Variants in DNAH7 observed in about 807,000 individuals in gnomAD.
DNAH7 encodes the protein dynein axonemal heavy chain 7.
In DNAH7, 397 loss-of-function variants were observed where a neutral mutation model predicts 444.6. The observed-to-expected ratio is 0.89, with a 90% CI of 0.82 to 0.97. The LOEUF is 0.97. Ranked by LOEUF, DNAH7 falls within the 50% of genes least tolerant of loss-of-function variation. The probability of loss-of-function intolerance (pLI) is 0.00; values close to 1 mark genes in which losing one functional copy is unlikely to be tolerated. For missense variants in DNAH7, 4,902 were observed against 4,800.8 expected (o/e 1.02, Z -0.62); for synonymous variants, 1,636 against 1,624.4 (o/e 1.01, Z -0.17).
chr2:196,023,767 T>C (rs1695519516), intron 8 of DNAH7, among the ~76,000 whole-genome samples: 1 of 152,244 alleles, frequency 6.6e-6, no homozygotes, highest in African/African-American at 2.4e-5. Flanking sequence ...CTGTGGCCTA[T>C]CTTGGCTTTC....
At chr2:195,911,610 G>T (rs1687363280) in intron 24 of DNAH7, among the ~76,000 whole-genome samples, 2 of 152,004 alleles carry the variant, frequency 1.3e-5, no homozygotes, top group Non-Finnish European at 2.9e-5. Context: ...CTATAACAGA[G>T]AAAAGAAAAT....
intron 17 of DNAH7, among the ~76,000 whole-genome samples, chr2:195,967,357 G>A (rs539266935): frequency 1.7e-4 from 26 of 152,054 alleles, no homozygotes; most frequent in Admixed American, 3.9e-4. Context: ...TGGGCTCATC[G>A]TTTAGTCTTT....
intron 16 of DNAH7, among the ~76,000 whole-genome samples, chr2:195,971,129 T>C (rs1691810762): frequency 6.6e-6 from 1 of 152,222 alleles, no homozygotes; most frequent in African/African-American, 2.4e-5. Context: ...TTTAAGCCTA[T>C]GAATTATTCT....
At position 195,771,866 on chromosome 2, in the gene DNAH7, T is replaced by C. The variant is rs778551415; in HGVS notation, c.11227A>G (p.Lys3743Glu). 2.5e-6 allele frequency: 4 copies of C among 1,614,172 alleles called. No individual in the cohort carries two copies. The Admixed American group carries it at 6.7e-5, about 27-fold the overall frequency. ...TCATTCACTACTTCATCTGATGATT[T>C]TGCACCAGCACCTGCTGAACGAGAC... is the stretch of plus-strand genomic sequence containing the variant. ...TQSRSAGAGA[K>E]SSDEVVNEVA... Residue 3743 changes from lysine (K) to glutamate (E), a missense_variant, in exon 61 of 65, where the codon AAA (lysine) becomes GAA (glutamate). Physicochemically the swap from Lys to Glu is moderately conservative, Grantham distance 56. Transcript: ENST00000312428.
intron 40 of DNAH7, among the ~76,000 whole-genome samples, chr2:195,868,255 C>A (rs1055556448): frequency 6.6e-6 from 1 of 151,788 alleles, no homozygotes; most frequent in Admixed American, 6.6e-5. Flanking sequence ...CGCCACCACA[C>A]CCGGCTAATT....
chr2:195,890,061 T>C (rs1472019966), intron 31 of DNAH7, among the ~76,000 whole-genome samples: 1 of 152,240 alleles, frequency 6.6e-6, no homozygotes, highest in Non-Finnish European at 1.5e-5. Context: ...GATTCCTTGC[T>C]TTTCCTTCAG....
chr2:196,012,604 T>A (rs188039712), intron 10 of DNAH7, among the ~76,000 whole-genome samples, 183 bp downstream of exon 10: 2 of 152,222 alleles, frequency 1.3e-5, no homozygotes, highest in Admixed American at 1.3e-4. Flanking sequence ...TTCTGCACAA[T>A]CTACGCTGTG....
At chr2:195,865,702 A>C (rs558245076) in intron 40 of DNAH7, among the ~76,000 whole-genome samples, 1 of 152,234 alleles carries the variant, frequency 6.6e-6, no homozygotes, top group South Asian at 2.1e-4. Flanking sequence ...TTTTGGACTG[A>C]ATTGTGTCCC....
chr2:195,947,923 GT>G (rs1415887099), intron 19 of DNAH7, among the ~76,000 whole-genome samples: 1 of 152,042 alleles, frequency 6.6e-6, no homozygotes, highest in African/African-American at 2.4e-5. Flanking sequence ...CTGTAAAAAC[GT>G]TCCTATTCCT....
chr2:195,790,593 A>C (rs1226249857), intron 57 of DNAH7, among the ~76,000 whole-genome samples: 1 of 152,130 alleles, frequency 6.6e-6, no homozygotes, highest in African/African-American at 2.4e-5. Context: ...AATGGAGAAA[A>C]GACTCCCTAT....
chr2:196,009,596 T>C (rs1010792817), intron 10 of DNAH7, among the ~76,000 whole-genome samples: 5 of 152,118 alleles, frequency 3.3e-5, no homozygotes, highest in African/African-American at 1.2e-4. Context: ...CAGTATTACA[T>C]TGGTCTGGGC....
chr2:195,961,263 ACT>A (rs1574891871), intron 17 of DNAH7, among the ~76,000 whole-genome samples: 1 of 151,922 alleles, frequency 6.6e-6, no homozygotes, highest in African/African-American at 2.4e-5. Context: ...TACACAACCT[ACT>A]CTCTTAGCAA....
chr2:196,040,469 A>AAACC (rs2125827417), intron 5 of DNAH7, among the ~76,000 whole-genome samples: 1 of 152,306 alleles, frequency 6.6e-6, no homozygotes, highest in African/African-American at 2.4e-5. Flanking sequence ...AAAGAAAGAG[A>AAACC]AACCATACAA....
At position 195,988,145 on chromosome 2, in the gene DNAH7, T is replaced by C. The variant is rs1693051131; in HGVS notation, c.1438A>G (p.Ile480Val). 1.9e-6 allele frequency: 3 copies of C among 1,613,570 alleles called. No homozygotes were observed. Among genetic ancestry groups the C allele is most frequent in the African/African-American group, 1.3e-5 (1 of 74,922 alleles). The change falls in exon 13 of 65, where the codon ATT becomes GTT. Residue 480 changes from isoleucine (I) to valine (V), a missense_variant. Transcript: ENST00000312428. ...GTAGGTGCCACACTCTCTTTCATAATAACTTCCTTGATCTTTTCTTTGTGA... is the reference window on the plus strand; with the variant it reads ...GTAGGTGCCACACTCTCTTTCATAACAACTTCCTTGATCTTTTCTTTGTGA... The part of the protein sequence containing the change: ...DAHKEKIKEV[I>V]MKESVAPTEH...
intron 46 of DNAH7, among the ~76,000 whole-genome samples, chr2:195,851,322 A>C (rs1366077790): frequency 2.6e-5 from 4 of 152,234 alleles, no homozygotes; most frequent in Non-Finnish European, 2.9e-5. Flanking sequence ...TGTTAAGGAA[A>C]GTAAAAATTC....
At chr2:195,805,153 T>A (rs1272744235) in intron 54 of DNAH7, among the ~76,000 whole-genome samples, 2 of 152,170 alleles carry the variant, frequency 1.3e-5, no homozygotes, top group African/African-American at 4.8e-5. Context: ...TGTCAAATTT[T>A]TAAAAACATT....
intron 45 of DNAH7, among the ~76,000 whole-genome samples, chr2:195,854,831 T>A (rs1462293): frequency 0.54 from 81,834 of 152,114 alleles, 24,999 homozygotes; most frequent in South Asian, 0.73. Context: ...AGCAACTGCA[T>A]AACCATTTGT....
At chr2:195,743,891 G>C (rs569913535) in intron 63 of DNAH7, among the ~76,000 whole-genome samples, 11 of 152,344 alleles carry the variant, frequency 7.2e-5, no homozygotes, top group African/African-American at 2.4e-4. Context: ...TTTCAAGATG[G>C]CCAAATAGGA....
intron 48 of DNAH7, among the ~76,000 whole-genome samples, chr2:195,826,408 G>T (rs1697751799): frequency 6.6e-6 from 1 of 152,114 alleles, no homozygotes; most frequent in Admixed American, 6.5e-5. Context: ...AATAGGACAG[G>T]CAATCAAAAT....
Sources: gnomAD v4.1 joint callset for allele counts (sites outside exome capture counted in the v4.1 genomes callset) on GRCh38, gnomAD v4.1.1 for gene constraint, MANE v1.5 for transcripts, NCBI Gene and HGNC (gene_info 2026-07-23, HGNC 2026-07-21) for gene names.